LRTM1: variants seen among roughly 807,000 people sequenced by gnomAD.
LRTM1 encodes the protein leucine-rich repeat and transmembrane domain-containing protein 1.
LRTM1 carries 38 observed loss-of-function variants against 32.4 expected under a neutral mutation model. That is an observed-to-expected ratio of 1.17 (90% CI 0.91 to 1.54). The LOEUF (loss-of-function observed/expected upper bound fraction) is 1.54, where lower values mean the gene tolerates loss of function less well. Among genes scored for constraint, LRTM1 ranks in the 40% most tolerant of loss-of-function variants. The probability of loss-of-function intolerance (pLI) is 0.00; values close to 1 mark genes in which losing one functional copy is unlikely to be tolerated. For missense variants in LRTM1, 466 were observed against 415.4 expected (o/e 1.12, Z -1.06); for synonymous variants, 186 against 169.9 (o/e 1.09, Z -0.74).
chr3:54,925,873 T>C (rs1700999441), intron 1 of LRTM1, among the ~76,000 whole-genome samples: 1 of 152,218 alleles, frequency 6.6e-6, no homozygotes, highest in Non-Finnish European at 1.5e-5. Flanking sequence ...TTGATATCCA[T>C]TTTTGCCGTT....
intron 1 of LRTM1, among the ~76,000 whole-genome samples, chr3:54,964,550 A>G (rs1177222176): frequency 6.6e-6 from 1 of 152,116 alleles, no homozygotes; most frequent in Non-Finnish European, 1.5e-5. Context: ...AACAAAATAG[A>G]CGGGCTTGAC....
At chr3:54,932,388 G>C (rs1701211704), upstream of LRTM1, among the ~76,000 whole-genome samples, 1 of 152,044 alleles carries the variant, frequency 6.6e-6, no homozygotes, top group African/African-American at 2.4e-5. Context: ...AAGTGGGAAA[G>C]GTCAGTCACC....
At chr3:54,957,973 A>G (rs140681140) in intron 1 of LRTM1, among the ~76,000 whole-genome samples, 1 of 152,268 alleles carries the variant, frequency 6.6e-6, no homozygotes, top group East Asian at 1.9e-4. Flanking sequence ...GCAGAGGTAG[A>G]TGTCTGGAGA....
chr3:54,929,212 A>T (rs1309109445), upstream of LRTM1, among the ~76,000 whole-genome samples: 1 of 152,090 alleles, frequency 6.6e-6, no homozygotes, highest in Non-Finnish European at 1.5e-5. Context: ...TGACATGGGG[A>T]CAACATTAGC....
chr3:54,959,110 C>A (rs979605919), intron 1 of LRTM1, among the ~76,000 whole-genome samples: 7 of 152,172 alleles, frequency 4.6e-5, no homozygotes, highest in South Asian at 2.1e-4. Flanking sequence ...CAGCAAAAAA[C>A]CCCTTTATCT....
At chr3:54,933,264 T>C (rs1166327584) in intron 1 of LRTM1, among the ~76,000 whole-genome samples, 1 of 152,234 alleles carries the variant, frequency 6.6e-6, no homozygotes, top group Non-Finnish European at 1.5e-5. Flanking sequence ...ATAATTTGTA[T>C]TAAAATTATG....
intron 1 of LRTM1, among the ~76,000 whole-genome samples, chr3:54,963,726 C>T (rs1185759012): frequency 6.6e-6 from 1 of 152,116 alleles, no homozygotes; most frequent in Non-Finnish European, 1.5e-5. Context: ...AATCTCTCTT[C>T]GGTGATTTGA....
At chr3:54,925,243 A>G (rs1700981838) in intron 1 of LRTM1, 28 bp from the exon 2 acceptor site, 1 of 1,578,094 alleles carries the variant, frequency 6.3e-7, no homozygotes, top group Non-Finnish European at 8.7e-7. Context: ...AAATTGGGAT[A>G]GGAACCAGTT....
At chr3:54,936,838 A>G (rs1034996519) in intron 1 of LRTM1, among the ~76,000 whole-genome samples, 2 of 152,202 alleles carry the variant, frequency 1.3e-5, no homozygotes, top group African/African-American at 4.8e-5. Flanking sequence ...GTGTTCAACA[A>G]GCAAGCTCCT....
chr3:54,944,812 GGGGTGT>G lies in LRTM1; in HGVS notation c.-221-19603_-221-19598del, dbSNP rs756992914. Among the ~76,000 whole-genome samples, 1,087 of 146,274 alleles carry G rather than the reference GGGGTGT, an allele frequency of 7.4e-3. 15 individuals are homozygous for G. The highest frequency in any genetic ancestry group is 0.025 in the African/African-American group (933 of 37,332). On this transcript the variant is annotated intron_variant, in intron 1 of 2. Transcript: ENST00000493075. ...AATATATTGACTGTAGTTAGAGCTG[GGGGTGT>G]GTGTGTGTGTGTGTGTGTGTGTGTT...
At chr3:54,932,352 C>T (rs79623557), upstream of LRTM1, among the ~76,000 whole-genome samples, 5,488 of 148,132 alleles carry the variant, frequency 0.037, 164 homozygotes, top group Non-Finnish European at 0.054. Flanking sequence ...CCTATAAATA[C>T]GCGTTGGTTT....
chr3:54,961,444 G>C (rs1450306489), intron 1 of LRTM1, among the ~76,000 whole-genome samples: 8 of 152,174 alleles, frequency 5.3e-5, no homozygotes, highest in Non-Finnish European at 7.3e-5. Flanking sequence ...TATTGTAGTT[G>C]TATTCCCTCT....
chr3:54,954,894 G>A (rs983874223), intron 1 of LRTM1, among the ~76,000 whole-genome samples: 1 of 152,152 alleles, frequency 6.6e-6, no homozygotes, highest in East Asian at 1.9e-4. Flanking sequence ...CATGAGAGGC[G>A]CCGATTAACC....
chr3:54,926,232 T>C (rs2106944026), intron 1 of LRTM1, among the ~76,000 whole-genome samples: 1 of 152,312 alleles, frequency 6.6e-6, no homozygotes, highest in East Asian at 1.9e-4. Context: ...CCTACCATTC[T>C]AAGTGCTTTA....
At position 54,952,214 on chromosome 3, in the gene LRTM1, C is replaced by T. The variant is rs531000668; in HGVS notation, c.-222+14714G>A. Reference sequence around the variant, plus strand: ...CTATACTATTTCTTCCCTCTGTAACCGCCTTCTTAGAGACAAAGGATGTTG... The same window carrying T: ...CTATACTATTTCTTCCCTCTGTAACTGCCTTCTTAGAGACAAAGGATGTTG... On this transcript the variant is annotated intron_variant, in intron 1 of 2. Transcript: ENST00000493075. Among the ~76,000 whole-genome samples, 53 of 152,292 alleles carry T rather than the reference C, an allele frequency of 3.5e-4. 1 individual carries two copies. In the South Asian group the frequency reaches 9.7e-3, roughly 28 times the overall value.
intron 1 of LRTM1, among the ~76,000 whole-genome samples, chr3:54,927,672 C>G (rs568162925): frequency 2.6e-5 from 4 of 152,132 alleles, no homozygotes; most frequent in Admixed American, 2.6e-4. Flanking sequence ...TGAAATGGCC[C>G]GTGACATGCC....
intron 1 of LRTM1, among the ~76,000 whole-genome samples, chr3:54,953,086 C>G (rs1240035228): frequency 6.6e-6 from 1 of 152,120 alleles, no homozygotes; most frequent in Non-Finnish European, 1.5e-5. Flanking sequence ...TTAAATAATG[C>G]ATGTATTTAA....
Position 54,918,577 on chromosome 3 carries a change from G to C in LRTM1, c.920C>G (p.Ala307Gly). 1 of 1,614,080 alleles carries C rather than the reference G, an allele frequency of 6.2e-7. No homozygotes were observed. Among genetic ancestry groups the C allele is most frequent in the Non-Finnish European group, 8.5e-7 (1 of 1,179,992 alleles). Residue 307 changes from alanine to glycine, a missense_variant, in exon 3 of 3, where the codon GCC becomes GGC. Transcript: ENST00000273286. ...TGCCGCATAGGTGCAGCCATAGATG[G>C]CAGCTGCCAACATCATGAGACACAC... ...GIVCLMMLAA[A>G]IYGCTYAAIT...
intron 1 of LRTM1, among the ~76,000 whole-genome samples, chr3:54,945,481 C>G (rs1455439347): frequency 1.3e-5 from 2 of 152,224 alleles, no homozygotes; most frequent in Non-Finnish European, 2.9e-5. Flanking sequence ...GTCTCCAGAG[C>G]AAGAACAATG....
Sources: gnomAD v4.1 joint callset for allele counts (sites outside exome capture counted in the v4.1 genomes callset) on GRCh38, gnomAD v4.1.1 for gene constraint, MANE v1.5 for transcripts, NCBI Gene and HGNC (gene_info 2026-07-23, HGNC 2026-07-21) for gene names.